The following SKAP2 variants were observed in gnomAD, a reference collection of about 807,000 sequenced individuals.
The protein encoded by SKAP2 is src kinase-associated phosphoprotein 2.
Under a neutral mutation model 54.9 loss-of-function variants are expected in SKAP2, and 28 were observed. That is an observed-to-expected ratio of 0.51 (90% CI 0.38 to 0.70). The LOEUF is 0.70. Ranked by LOEUF, SKAP2 falls within the 30% of genes least tolerant of loss-of-function variation. SKAP2 has a pLI of 0.00. For missense variants in SKAP2, 356 were observed against 424.1 expected (o/e 0.84, Z 1.41); for synonymous variants, 137 against 134.3 (o/e 1.02, Z -0.14).
chr7:26,749,719 G>A (rs1782639475), intron 4 of SKAP2, among the ~76,000 whole-genome samples: 1 of 149,030 alleles, frequency 6.7e-6, no homozygotes, highest in African/African-American at 2.5e-5. Context: ...CTGGGTGACA[G>A]AGTGAGACCC....
intron 10 of SKAP2, among the ~76,000 whole-genome samples, chr7:26,688,757 T>G (rs913324239): frequency 7.9e-5 from 12 of 152,206 alleles, no homozygotes; most frequent in Non-Finnish European, 4.4e-5. Flanking sequence ...AGATGTTTAC[T>G]TTAAAAGGGC....
At chr7:26,720,086 ACACACAC>A (rs1787546963) in intron 9 of SKAP2, among the ~76,000 whole-genome samples, 1 of 147,128 alleles carries the variant, frequency 6.8e-6, no homozygotes, top group Non-Finnish European at 1.5e-5. Context: ...ACACACACAC[ACACACAC>A]ATCCCAGTTA....
chr7:26,736,334 G>T (rs750097631), intron 6 of SKAP2, among the ~76,000 whole-genome samples: 2 of 152,170 alleles, frequency 1.3e-5, no homozygotes, highest in Non-Finnish European at 2.9e-5. Context: ...CTCATTATAT[G>T]CTAATTATAA....
At chr7:26,688,881 T>C (rs1333033743) in intron 10 of SKAP2, among the ~76,000 whole-genome samples, 1 of 152,170 alleles carries the variant, frequency 6.6e-6, no homozygotes, top group East Asian at 1.9e-4. Flanking sequence ...AAACTACATA[T>C]TTTTGGCAGA....
At chr7:26,863,883 C>T (rs1785315795) in intron 1 of SKAP2, among the ~76,000 whole-genome samples, 1 of 152,078 alleles carries the variant, frequency 6.6e-6, no homozygotes, top group African/African-American at 2.4e-5. Context: ...CCCCATAACC[C>T]CTAACACCTG....
intron 4 of SKAP2, among the ~76,000 whole-genome samples, chr7:26,772,092 T>C (rs1313204904): frequency 6.6e-6 from 1 of 152,212 alleles, no homozygotes; most frequent in Non-Finnish European, 1.5e-5. Flanking sequence ...TTATGCCAAA[T>C]TGTAATAACT....
chr7:26,712,780 G>A (rs181741548), intron 9 of SKAP2, among the ~76,000 whole-genome samples: 15 of 152,200 alleles, frequency 9.9e-5, no homozygotes, highest in African/African-American at 3.4e-4. Context: ...CTTTTGATGA[G>A]CTAGCTACCC....
chr7:26,660,598 A>G, the SKAP2 span, among the ~76,000 whole-genome samples: 3 of 152,054 alleles, frequency 2.0e-5, no homozygotes, highest in Admixed American at 6.6e-5. Context: ...AAGTTTAGAA[A>G]ACAGACTTAT....
At chr7:26,782,498 A>G (rs1384165636) in intron 4 of SKAP2, among the ~76,000 whole-genome samples, 1 of 152,156 alleles carries the variant, frequency 6.6e-6, no homozygotes, top group East Asian at 1.9e-4. Context: ...CATATATTAA[A>G]ACCTAACCCC....
At chr7:26,783,127 A>T (rs1172394815) in intron 4 of SKAP2, among the ~76,000 whole-genome samples, 3 of 152,106 alleles carry the variant, frequency 2.0e-5, no homozygotes, top group African/African-American at 4.8e-5. Context: ...TGGTATTTTT[A>T]AATTCCCCCA....
intron 1 of SKAP2, among the ~76,000 whole-genome samples, chr7:26,856,877 C>G (rs1562637815): frequency 1.3e-5 from 2 of 150,384 alleles, no homozygotes; most frequent in Admixed American, 6.6e-5. Flanking sequence ...CAAGTTTAAA[C>G]AAACAATCTA....
intron 4 of SKAP2, among the ~76,000 whole-genome samples, chr7:26,816,124 GT>G (rs1784260753): frequency 6.6e-6 from 1 of 152,066 alleles, no homozygotes; most frequent in South Asian, 2.1e-4. Context: ...TTTTGTTCAT[GT>G]TTTTGCTTAT....
intron 4 of SKAP2, among the ~76,000 whole-genome samples, chr7:26,770,788 C>A (rs1184413911): frequency 2.0e-5 from 3 of 152,204 alleles, no homozygotes; most frequent in African/African-American, 7.2e-5. Context: ...GCTGCATCCA[C>A]TGTCTAACCA....
chr7:26,686,615 T>C (rs1253881477), intron 10 of SKAP2, among the ~76,000 whole-genome samples: 2 of 152,196 alleles, frequency 1.3e-5, no homozygotes, highest in African/African-American at 4.8e-5. Context: ...AATCACTTAA[T>C]AATAAAGTGA....
At chr7:26,686,343 G>C (rs898742935) in intron 10 of SKAP2, among the ~76,000 whole-genome samples, 4 of 152,050 alleles carry the variant, frequency 2.6e-5, no homozygotes, top group South Asian at 4.1e-4. Flanking sequence ...GGAGTGGAGA[G>C]AGAAGGAGGA....
intron 4 of SKAP2, among the ~76,000 whole-genome samples, chr7:26,831,033 T>C (rs1784584147): frequency 1.3e-5 from 2 of 152,186 alleles, no homozygotes; most frequent in South Asian, 4.1e-4. Context: ...CAGCCTTGTT[T>C]CCTAATAATT....
chr7:26,656,743 G>A, the SKAP2 span, among the ~76,000 whole-genome samples: 2 of 152,146 alleles, frequency 1.3e-5, no homozygotes, highest in African/African-American at 4.8e-5. Flanking sequence ...TTTTGAAAGA[G>A]TGGAACTTAC....
chr7:26,814,384 T>G (rs1333344096), intron 4 of SKAP2, among the ~76,000 whole-genome samples: 1 of 152,094 alleles, frequency 6.6e-6, no homozygotes, highest in African/African-American at 2.4e-5. Flanking sequence ...TATTTACTGC[T>G]CCTCTTCTTT....
chr7:26,739,804 A>T, intron 5 of SKAP2, 83 bp downstream of exon 5: 2 of 939,832 alleles, frequency 2.1e-6, no homozygotes, highest in Non-Finnish European at 3.2e-6. Flanking sequence ...TAAAACGAAT[A>T]CTGCCTCCAC....
Sources: gnomAD v4.1 joint callset for allele counts (sites outside exome capture counted in the v4.1 genomes callset) on GRCh38, gnomAD v4.1.1 for gene constraint, MANE v1.5 for transcripts, NCBI Gene and HGNC (gene_info 2026-07-23, HGNC 2026-07-21) for gene names.